Variants in EDDM3A observed in about 807,000 individuals in gnomAD.
EDDM3A encodes epididymal protein 3A, also known as epididymal secretory protein E3-alpha.
For missense variants in EDDM3A, 199 were observed against 177.4 expected, an observed-to-expected ratio of 1.12 and a Z score of -0.69; for synonymous variants, 75 against 60.4, an observed-to-expected ratio of 1.24 and a Z score of -1.12.
At chr14:20,744,430 T>C (rs1317708087), upstream of EDDM3A, among the ~76,000 whole-genome samples, 1 of 152,194 alleles carries the variant, frequency 6.6e-6, no homozygotes, top group Non-Finnish European at 1.5e-5. Context: ...TTTGGAAGTG[T>C]TGTTAGAAAA....
chr14:20,738,701 T>C, the EDDM3A span, among the ~76,000 whole-genome samples: 8 of 152,250 alleles, frequency 5.3e-5, no homozygotes, highest in Admixed American at 4.6e-4. Context: ...TGTGGTAACA[T>C]GTGTATCTCA....
At chr14:20,737,051 T>C in the EDDM3A span, among the ~76,000 whole-genome samples, 1 of 138,058 alleles carries the variant, frequency 7.2e-6, no homozygotes, top group African/African-American at 2.8e-5. Context: ...TCTTTTCTTT[T>C]TCCTTTTTTT....
chr14:20,745,759 G>A (rs1414755710), upstream of EDDM3A: 1 of 152,176 alleles, frequency 6.6e-6, no homozygotes, highest in Non-Finnish European at 1.5e-5. Context: ...GTTTGAGTGA[G>A]CCCAAGTGTT....
the EDDM3A span, among the ~76,000 whole-genome samples, chr14:20,738,469 CAAAAT>C: frequency 9.9e-4 from 92 of 92,574 alleles, no homozygotes; most frequent in Middle Eastern, 9.5e-3. Flanking sequence ...GACTCTGTCT[CAAAAT>C]AAATAAATAA....
At position 20,748,152 on chromosome 14, in the gene EDDM3A, G is replaced by C; in HGVS notation, c.*128G>C. 1.5e-6 allele frequency: 1 copy of C among 656,604 alleles called. No individual in the cohort carries two copies. Among genetic ancestry groups the C allele is most frequent in the East Asian group, 2.7e-5 (1 of 36,508 alleles). 40.7% of individuals were successfully genotyped at this position (656,604 alleles called of 1,614,324 possible). A position where few individuals can be genotyped will look rare whatever the true frequency, so the allele number is the denominator to read the frequency against. On this transcript the variant is annotated 3_prime_UTR_variant, in exon 2 of 2. Coordinates refer to ENST00000326842, the MANE Select transcript of EDDM3A (RefSeq NM_006683.5). The stretch of plus-strand genomic sequence containing the variant: ...TGTGTCAGTGTTTTCCAACTACTTA[G>C]AGTTTATGTACCTCGTGATTTCTTG...
In EDDM3A at chr14:20,747,804, A is replaced by G; in HGVS notation, c.224A>G (p.Lys75Arg). ...ATGTTCATCTATAGCTTATGGTTCA[A>G]AATTCAGCGTGCATGCATCAATGAG... ...FHMFIYSLWFKIQRACINEKG... is the reference protein window; with the variant it reads ...FHMFIYSLWFRIQRACINEKG... Residue 75 changes from lysine (K) to arginine (R), a missense_variant, in exon 2 of 2, where the codon AAA becomes AGA. By Grantham distance (26) the Lys-to-Arg change is conservative. Transcript: ENST00000326842. 4.3e-6 allele frequency: 7 copies of G among 1,614,178 alleles called. No individual in the cohort carries two copies. The highest frequency in any genetic ancestry group is 5.1e-6 in the Non-Finnish European group (6 of 1,180,034).
At chr14:20,736,842 C>T in the EDDM3A span, among the ~76,000 whole-genome samples, 1 of 151,888 alleles carries the variant, frequency 6.6e-6, no homozygotes, top group Non-Finnish European at 1.5e-5. Flanking sequence ...TCTCTAGTAG[C>T]TGGGATTATA....
At chr14:20,736,343 C>T in the EDDM3A span, among the ~76,000 whole-genome samples, 3 of 152,162 alleles carry the variant, frequency 2.0e-5, no homozygotes, top group South Asian at 2.1e-4. Flanking sequence ...CTCCCGACCT[C>T]GGGTGATTTT....
rs149427580 is a variant in EDDM3A, at chr14:20,748,053, T to C, written c.*29T>C. 22 of 1,541,940 alleles carry C rather than the reference T, an allele frequency of 1.4e-5. No homozygotes were observed. In the African/African-American group the frequency reaches 2.9e-4, roughly 20 times the overall value. On this transcript the variant is annotated 3_prime_UTR_variant, in exon 2 of 2. Transcript: ENST00000326842. ...GTCTATGCACATCCTCAGATATTGGTAGAGTATTCAGTGCTTCCAAAGTGG... is the reference window on the plus strand; with the variant it reads ...GTCTATGCACATCCTCAGATATTGGCAGAGTATTCAGTGCTTCCAAAGTGG...
chr14:20,739,450 C>T, the EDDM3A span, among the ~76,000 whole-genome samples: 2 of 152,290 alleles, frequency 1.3e-5, no homozygotes, highest in South Asian at 4.1e-4. Flanking sequence ...ATAGGTGAGG[C>T]TGTCCACTAA....
At chr14:20,737,954 C>T in the EDDM3A span, among the ~76,000 whole-genome samples, 3 of 152,210 alleles carry the variant, frequency 2.0e-5, no homozygotes, top group African/African-American at 7.2e-5. Flanking sequence ...TTGAATGGCT[C>T]TGGCCTTGAA....
chr14:20,746,588 A>G (rs2139081503), intron 1 of EDDM3A, among the ~76,000 whole-genome samples: 1 of 152,324 alleles, frequency 6.6e-6, no homozygotes, highest in Admixed American at 6.5e-5. Flanking sequence ...ATGTCCTTTT[A>G]TGATGGCATT....
At chr14:20,741,191 G>A (rs1326564411), upstream of EDDM3A, among the ~76,000 whole-genome samples, 5 of 152,182 alleles carry the variant, frequency 3.3e-5, no homozygotes, top group East Asian at 5.8e-4. Flanking sequence ...CAGGAAGTAA[G>A]GCATAAGCCC....
chr14:20,738,671 CG>C, the EDDM3A span, among the ~76,000 whole-genome samples: 1 of 151,908 alleles, frequency 6.6e-6, no homozygotes, highest in South Asian at 2.1e-4. Flanking sequence ...GTCAGATTAA[CG>C]GAAGAAAAAC....
chr14:20,743,649 T>C (rs141448158), upstream of EDDM3A, among the ~76,000 whole-genome samples: 144 of 151,360 alleles, frequency 9.5e-4, 2 homozygotes, highest in African/African-American at 3.2e-3. Flanking sequence ...AATTTATATT[T>C]AAAGGGGAAT....
At chr14:20,743,748 C>G (rs117076954), upstream of EDDM3A, among the ~76,000 whole-genome samples, 1 of 152,146 alleles carries the variant, frequency 6.6e-6, no homozygotes, top group Non-Finnish European at 1.5e-5. Flanking sequence ...AGACCCATTA[C>G]GTAGTTTCCA....
chr14:20,738,422 G>C, the EDDM3A span, among the ~76,000 whole-genome samples: 1 of 151,972 alleles, frequency 6.6e-6, no homozygotes, highest in Admixed American at 6.6e-5. Flanking sequence ...AGTGAGCCGA[G>C]ATTGTGCCAT....
At chr14:20,739,495 T>A in the EDDM3A span, among the ~76,000 whole-genome samples, 21 of 152,290 alleles carry the variant, frequency 1.4e-4, no homozygotes, top group South Asian at 1.0e-3. Context: ...CAAGCAATTG[T>A]CATGAGATCC....
chr14:20,747,761 A>G lies in EDDM3A; in HGVS notation c.181A>G (p.Lys61Glu). ...DVLMREKEAL[K>E]GKSFHMFIYS... ...CCTCATGAGAGAAAAAGAGGCTCTGAAAGGCAAGAGCTTTCATATGTTCAT... is the reference window on the plus strand; with the variant it reads ...CCTCATGAGAGAAAAAGAGGCTCTGGAAGGCAAGAGCTTTCATATGTTCAT... The change falls in exon 2 of 2, where the codon AAA becomes GAA. Residue 61 changes from lysine (K) to glutamate (E), a missense_variant. Coordinates refer to ENST00000326842, the MANE Select transcript of EDDM3A (RefSeq NM_006683.5). 1 of 1,614,186 alleles carries G rather than the reference A, an allele frequency of 6.2e-7. No homozygotes were observed. The highest frequency in any genetic ancestry group is 8.5e-7 in the Non-Finnish European group (1 of 1,180,032).
Sources: allele counts gnomAD v4.1 joint callset (sites outside exome capture counted in the v4.1 genomes callset), GRCh38; gene constraint gnomAD v4.1.1; transcripts MANE v1.5; gene names NCBI Gene and HGNC (gene_info 2026-07-23, HGNC 2026-07-21).